The following TMPRSS9 variants were observed in gnomAD, a reference collection of about 807,000 sequenced individuals.
TMPRSS9 encodes the protein transmembrane protease serine 9.
A neutral mutation model predicts 111.4 loss-of-function variants in TMPRSS9; 113 were observed. The observed-to-expected ratio is 1.01, with a 90% CI of 0.87 to 1.19. The LOEUF (loss-of-function observed/expected upper bound fraction) is 1.19, where lower values mean the gene tolerates loss of function less well. Among genes scored for constraint, TMPRSS9 ranks in the 50% most tolerant of loss-of-function variants. TMPRSS9 has a pLI of 0.00. For missense variants in TMPRSS9, 1,803 were observed against 1,513.1 expected (o/e 1.19, Z -3.18); for synonymous variants, 805 against 659.1 (o/e 1.22, Z -3.39).
intron 13 of TMPRSS9, 22 bp from the exon 15 acceptor site, chr19:2,421,832 G>C: frequency 6.4e-7 from 1 of 1,571,724 alleles, no homozygotes; most frequent in South Asian, 1.2e-5. Context: ...GGACCAACCA[G>C]TGCTCTTTCC....
In TMPRSS9 at chr19:2,404,429, G is replaced by A. The variant is rs185786949; in HGVS notation, c.671-945G>A. Among the ~76,000 whole-genome samples the A allele has an allele frequency of 1.6e-3, 246 of 152,098 alleles. 2 individuals carry two copies. The highest frequency in any genetic ancestry group is 5.7e-3 in the African/African-American group (235 of 41,506). On this transcript the variant is annotated intron_variant, in intron 6 of 17. Coordinates refer to ENST00000648592, the Ensembl canonical transcript of TMPRSS9. ...GCAGTGGGTCACGCCTGTAATCCCA[G>A]CACTTTGGGAGGCTGAGGCAGGAGA...
At position 2,425,248 on chromosome 19, in the gene TMPRSS9, G is replaced by A. The variant is rs1374376058; in HGVS notation, c.2964G>A (p.Trp988Ter). The A allele has an allele frequency of 2.1e-6, 3 of 1,398,418 alleles. No individual in the cohort carries two copies. Among genetic ancestry groups the A allele is most frequent in the Non-Finnish European group, 2.8e-6 (3 of 1,081,310 alleles). 86.6% of individuals were successfully genotyped at this position (1,398,418 alleles called of 1,614,324 possible). A position where few individuals can be genotyped will look rare whatever the true frequency, so the allele number is the denominator to read the frequency against. ...GCACGCGCTGCGTCATCACCGGCTGGGGCTCGGTGCGCGAAGGAGGTAGGC... is the reference window on the plus strand; with the variant it reads ...GCACGCGCTGCGTCATCACCGGCTGAGGCTCGGTGCGCGAAGGAGGTAGGC... Residue 988 changes from tryptophan to a stop codon, truncating the protein, a stop_gained, in exon 16 of 18, where the codon TGG becomes TGA. Transcript: ENST00000648592. LOFTEE classifies it high-confidence loss of function.
At chr19:2,423,946 G>T (rs1971527318) in intron 14 of TMPRSS9, 143 bp from the exon 16 acceptor site, 5 of 867,132 alleles carry the variant, frequency 5.8e-6, no homozygotes, top group African/African-American at 1.8e-5. Context: ...GTCCTTTCCT[G>T]CTGAGTTTTC....
rs186110038 is a variant in TMPRSS9, at chr19:2,366,627, G to A, written c.-26+6267G>A. Among the ~76,000 whole-genome samples the A allele has an allele frequency of 5.9e-3, 893 of 152,022 alleles. 6 individuals are homozygous for A. The highest frequency in any genetic ancestry group is 8.1e-3 in the Non-Finnish European group (549 of 67,964). On this transcript the variant is annotated intron_variant, in intron 1 of 17. Coordinates refer to the TMPRSS9 transcript ENST00000649857. Reference sequence around the variant, plus strand: ...AATCCCAGCACTTTGGGAGGCTGAGGAGGGCAGATCACAAGGTCAGGAGAT... The same window carrying A: ...AATCCCAGCACTTTGGGAGGCTGAGAAGGGCAGATCACAAGGTCAGGAGAT...
chr19:2,416,520 AG>A lies in TMPRSS9; in HGVS notation c.1746-15del. On this transcript the variant is annotated splice_polypyrimidine_tract_variant and intron_variant, in intron 11 of 17. Transcript: ENST00000648592. ...ATGTGCTGGAGGGCAGGCATGTCTG[AG>A]GGCCCTGTCTCCATAGCACGAAGGT... 1 of 1,594,612 alleles carries A rather than the reference AG, an allele frequency of 6.3e-7. No homozygotes were observed. The highest frequency in any genetic ancestry group is 1.1e-5 in the South Asian group (1 of 90,332).
rs114239203 is a variant in TMPRSS9 at position 2,416,897 on chromosome 19, C to T, written c.2017+88C>T. ...TCAGGATGGGCATCTCTTACCTGGA[C>T]CCTAAACCAATTCCACTGCACAGGG... is the stretch of plus-strand genomic sequence containing the variant. On this transcript the variant is annotated intron_variant, in intron 12 of 17. Transcript: ENST00000648592. 345 of 1,458,424 alleles carry T rather than the reference C, an allele frequency of 2.4e-4. 1 individual carries two copies. The African/African-American group carries it at 4.5e-3, about 19-fold the overall frequency. The allele number at this position is 1,458,424 out of a possible 1,614,324, so 90.3% of individuals were successfully genotyped here.
intron 2 of TMPRSS9, 68 bp downstream of exon 3, chr19:2,396,734 G>A (rs540425364): frequency 4.0e-5 from 61 of 1,531,500 alleles, no homozygotes; most frequent in Admixed American, 3.5e-4. Flanking sequence ...ACCTGGAGGT[G>A]CTTTCCGTGT....
intron 1 of TMPRSS9, among the ~76,000 whole-genome samples, chr19:2,394,909 C>G (rs1970676160): frequency 6.6e-6 from 1 of 152,178 alleles, no homozygotes; most frequent in Admixed American, 6.6e-5. Flanking sequence ...CTGCTGCTTG[C>G]ATCAGCATAG....
chr19:2,418,352 TCCC>T (rs1971326548), intron 13 of TMPRSS9, among the ~76,000 whole-genome samples: 3 of 33,270 alleles, frequency 9.0e-5, no homozygotes, highest in African/African-American at 6.3e-4. Flanking sequence ...TCCCTTTCCC[TCCC>T]TCCCTCCCTT....
At chr19:2,391,987 C>T (rs1970608258) in intron 1 of TMPRSS9, among the ~76,000 whole-genome samples, 1 of 151,976 alleles carries the variant, frequency 6.6e-6, no homozygotes, top group African/African-American at 2.4e-5. Flanking sequence ...AGTGATCCAC[C>T]TGCCTTGGCC....
At chr19:2,371,957 T>G (rs1255359490) in intron 1 of TMPRSS9, among the ~76,000 whole-genome samples, 1 of 152,106 alleles carries the variant, frequency 6.6e-6, no homozygotes, top group Non-Finnish European at 1.5e-5. Flanking sequence ...GTTCATGATT[T>G]TGGTGCGATC....
At chr19:2,389,636 G>T (rs1599285090), upstream of TMPRSS9, 7 of 903,588 alleles carry the variant, frequency 7.7e-6, no homozygotes, top group East Asian at 1.9e-4. Context: ...CCAAAGTGCT[G>T]GGATGACAGG....
intron 15 of TMPRSS9, 149 bp downstream of exon 16, chr19:2,424,406 C>G: frequency 1.2e-6 from 1 of 861,102 alleles, no homozygotes; most frequent in Admixed American, 4.3e-5. Context: ...CTCCTCCCAC[C>G]CCCCATCTCC....
At chr19:2,389,137 G>A (rs564444806), upstream of TMPRSS9, among the ~76,000 whole-genome samples, 115 of 148,876 alleles carry the variant, frequency 7.7e-4, 1 homozygote, top group African/African-American at 2.8e-3. Context: ...GCAGTGGCGT[G>A]ATCTCAGCTC....
chr19:2,397,562 TG>T (rs1970736761), intron 2 of TMPRSS9, among the ~76,000 whole-genome samples: 1 of 152,122 alleles, frequency 6.6e-6, no homozygotes, highest in Non-Finnish European at 1.5e-5. Flanking sequence ...GAAAAAATAA[TG>T]TTTTCCATTT....
chr19:2,401,518 T>C (rs948809997), intron 4 of TMPRSS9, among the ~76,000 whole-genome samples: 1 of 152,120 alleles, frequency 6.6e-6, no homozygotes, highest in East Asian at 1.9e-4. Context: ...TCCTCGCTGA[T>C]TGAAGGCAGA....
At chr19:2,391,237 C>CAAAAAAAAAAAAAAAAAAAAA (rs10650164) in intron 1 of TMPRSS9, among the ~76,000 whole-genome samples, 1 of 53,018 alleles carries the variant, frequency 1.9e-5, no homozygotes, top group African/African-American at 1.1e-4. Flanking sequence ...AATTCCATCT[C>CAAAAAAAAAAAAAAAAAAAAA]AAAAAAAAAA....
chr19:2,372,012 T>C (rs933953289), intron 1 of TMPRSS9, among the ~76,000 whole-genome samples: 1 of 152,166 alleles, frequency 6.6e-6, no homozygotes, highest in African/African-American at 2.4e-5. Context: ...GCTGGGATTA[T>C]AGGCGCCCGC....
intron 1 of TMPRSS9, among the ~76,000 whole-genome samples, chr19:2,392,552 A>G (rs1435975915): frequency 6.6e-6 from 1 of 152,228 alleles, no homozygotes; most frequent in East Asian, 1.9e-4. Flanking sequence ...CAAAAAATGC[A>G]GAAAATTAGC....
Sources: allele counts gnomAD v4.1 joint callset (sites outside exome capture counted in the v4.1 genomes callset), GRCh38; gene constraint gnomAD v4.1.1; transcripts MANE v1.5; gene names NCBI Gene and HGNC (gene_info 2026-07-23, HGNC 2026-07-21).